Variants in DMD observed in about 807,000 individuals in gnomAD.
DMD encodes the protein mutant dystrophin.
A neutral mutation model predicts 330.1 loss-of-function variants in DMD; 63 were observed. The observed-to-expected ratio is 0.19, with a 90% CI of 0.16 to 0.24. DMD has a LOEUF of 0.24. Ranked by LOEUF, DMD falls within the 10% of genes least tolerant of loss-of-function variation. DMD has a pLI of 1.00. For synonymous variants in DMD, 1,223 were observed against 959.8 expected (o/e 1.27, Z -5.07); for missense variants, 3,344 against 2,684.1 (o/e 1.25, Z -5.43).
At chrX:32,764,960 T>G (rs903240183) in intron 7 of DMD, among the ~76,000 whole-genome samples, 4 of 43,755 alleles carry the variant, frequency 9.1e-5, no homozygotes, top group Non-Finnish European at 1.4e-4. Context: ...TTTCTGGGTT[T>G]TTTTTTTTTT....
At chrX:31,656,452 T>A (rs919326240) in intron 54 of DMD, among the ~76,000 whole-genome samples, 1 of 112,011 alleles carries the variant, frequency 8.9e-6, no homozygotes, top group Non-Finnish European at 1.9e-5. Context: ...TAGATCAGTG[T>A]CCTCAAGCTC....
At chrX:32,172,952 G>C (rs1253621267) in intron 44 of DMD, among the ~76,000 whole-genome samples, 1 of 111,003 alleles carries the variant, frequency 9.0e-6, no homozygotes, top group East Asian at 2.8e-4. Flanking sequence ...GGAGGTATCA[G>C]AATGATCTGG....
rs779141236 is a variant in DMD, at chrX:32,498,491, C to G, written c.2380+3264G>C. On this transcript the variant is annotated intron_variant, in intron 19 of 78. Coordinates refer to ENST00000357033, the MANE Select transcript of DMD (RefSeq NM_004006.3). The stretch of plus-strand genomic sequence containing the variant: ...ATGATCGTGAAAGATCACTTCTACT[C>G]TGACCAAAAGAACTGGAACATCCAT... 2.7e-5 allele frequency among the ~76,000 whole-genome samples: 3 copies of G among 110,368 alleles called. No homozygotes were observed. The East Asian group carries it at 8.5e-4, about 31-fold the overall frequency.
intron 1 of DMD, among the ~76,000 whole-genome samples, chrX:33,132,108 C>G (rs16990923): frequency 0.063 from 7,009 of 111,554 alleles, 562 homozygotes; most frequent in African/African-American, 0.22. Context: ...AGAAGTGACA[C>G]ATTTTGGCTT....
chrX:32,045,924 T>C (rs1260315200), intron 44 of DMD, among the ~76,000 whole-genome samples: 2 of 112,418 alleles, frequency 1.8e-5, no homozygotes, highest in Admixed American at 9.4e-5. Context: ...TGTGGATAAA[T>C]TGACTGACAA....
At chrX:32,013,307 G>A (rs1377455488) in intron 44 of DMD, among the ~76,000 whole-genome samples, 9 of 109,631 alleles carry the variant, frequency 8.2e-5, no homozygotes, top group Admixed American at 3.9e-4. Flanking sequence ...GGATGGTCTC[G>A]AACTCCTGAC....
chrX:33,245,034 GTATATTT>G (rs1469248646), intron 1 of DMD, among the ~76,000 whole-genome samples: 1 of 111,427 alleles, frequency 9.0e-6, no homozygotes, highest in East Asian at 2.8e-4. Flanking sequence ...CACATCATTT[GTATATTT>G]CATTTTCAAA....
At chrX:32,035,999 GAAGGAA>G (rs1428789370) in intron 44 of DMD, among the ~76,000 whole-genome samples, 2 of 111,770 alleles carry the variant, frequency 1.8e-5, no homozygotes, top group East Asian at 5.6e-4. Context: ...GTCCATCTGG[GAAGGAA>G]AAGGGAAAGG....
At chrX:32,208,184 G>A (rs1176486126) in intron 44 of DMD, among the ~76,000 whole-genome samples, 1 of 111,764 alleles carries the variant, frequency 8.9e-6, no homozygotes. Context: ...ATGCAAACGT[G>A]GGTACAACAG....
At chrX:32,695,498 T>C (rs2063581435) in intron 9 of DMD, among the ~76,000 whole-genome samples, 1 of 111,442 alleles carries the variant, frequency 9.0e-6, no homozygotes, top group Admixed American at 9.6e-5. Flanking sequence ...AGCCTTGTTA[T>C]ATGGACAAAA....
At chrX:32,690,149 A>T (rs1381197497) in intron 9 of DMD, among the ~76,000 whole-genome samples, 3 of 111,178 alleles carry the variant, frequency 2.7e-5, no homozygotes, top group Non-Finnish European at 5.7e-5. Flanking sequence ...TCTTATGAAT[A>T]GAAAACCCTA....
At chrX:31,579,819 A>G (rs758148015) in intron 55 of DMD, among the ~76,000 whole-genome samples, 2 of 112,321 alleles carry the variant, frequency 1.8e-5, no homozygotes, top group Non-Finnish European at 3.8e-5. Context: ...ACACAAATTG[A>G]TTATCTTATA....
At chrX:31,335,777 A>G (rs2057377073) in intron 61 of DMD, among the ~76,000 whole-genome samples, 1 of 112,446 alleles carries the variant, frequency 8.9e-6, no homozygotes, top group Admixed American at 9.4e-5. Context: ...ATGCCTGTCA[A>G]TTTCATTGCC....
intron 1 of DMD, among the ~76,000 whole-genome samples, chrX:33,209,898 A>G (rs886574781): frequency 1.8e-5 from 2 of 110,147 alleles, no homozygotes; most frequent in Non-Finnish European, 3.8e-5. Context: ...CTTGTATATG[A>G]TGTTAATTAT....
At chrX:32,690,865 TA>T (rs1320498773) in intron 9 of DMD, among the ~76,000 whole-genome samples, 2 of 111,560 alleles carry the variant, frequency 1.8e-5, no homozygotes, top group African/African-American at 6.5e-5. Context: ...TATGTAAATG[TA>T]AAACCTCAAT....
intron 4 of DMD, among the ~76,000 whole-genome samples, chrX:32,836,666 T>C (rs182159814): frequency 1.0e-3 from 113 of 111,812 alleles, no homozygotes; most frequent in African/African-American, 3.6e-3. Flanking sequence ...CAGTACAGCC[T>C]GAGCCATTTC....
At chrX:31,653,869 C>T (rs1052508968) in intron 54 of DMD, among the ~76,000 whole-genome samples, 2 of 111,681 alleles carry the variant, frequency 1.8e-5, no homozygotes, top group Non-Finnish European at 3.8e-5. Flanking sequence ...TATTTTCCTA[C>T]ATAGGTCACA....
chrX:32,552,112 G>C (rs978099424), intron 16 of DMD, among the ~76,000 whole-genome samples: 1 of 111,742 alleles, frequency 8.9e-6, no homozygotes, highest in Non-Finnish European at 1.9e-5. Flanking sequence ...CACTGAATAA[G>C]AAAAAGACTA....
At chrX:32,815,150 C>T (rs901346024) in intron 6 of DMD, among the ~76,000 whole-genome samples, 2 of 110,532 alleles carry the variant, frequency 1.8e-5, no homozygotes, top group East Asian at 2.9e-4. Context: ...GAAACCCAGT[C>T]GGGATGGGGT....
Sources: allele counts gnomAD v4.1 joint callset (sites outside exome capture counted in the v4.1 genomes callset), GRCh38; gene constraint gnomAD v4.1.1; transcripts MANE v1.5; gene names NCBI Gene and HGNC (gene_info 2026-07-23, HGNC 2026-07-21).